The following ATG101 variants were observed in gnomAD, a reference collection of about 807,000 sequenced individuals.
ATG101 encodes the protein autophagy-related protein 101.
A neutral mutation model predicts 16.7 loss-of-function variants in ATG101; 6 were observed. That is an observed-to-expected ratio of 0.36 (90% confidence interval 0.20 to 0.71). The LOEUF is 0.71. Among genes scored for constraint, ATG101 ranks in the 30% least tolerant of loss-of-function variants. ATG101 has a pLI of 0.57. For missense variants in ATG101, 200 were observed against 292.5 expected (o/e 0.68, Z 2.31); for synonymous variants, 108 against 118.1 (o/e 0.91, Z 0.56).
At chr12:52,074,510 A>G (rs911777336) in intron 3 of ATG101, among the ~76,000 whole-genome samples, 1 of 151,476 alleles carries the variant, frequency 6.6e-6, no homozygotes, top group Admixed American at 6.6e-5. Flanking sequence ...AGTAGCAAAG[A>G]TAATTTTTCT....
chr12:52,076,748 A>G (rs1488183833), intron 3 of ATG101, 38 bp from the exon 4 acceptor site: 1 of 1,589,172 alleles, frequency 6.3e-7, no homozygotes, highest in South Asian at 1.1e-5. Flanking sequence ...GTGGGAACTC[A>G]GAGGCCTTGG....
At chr12:52,065,409 C>CAT (rs5798196), upstream of ATG101, among the ~76,000 whole-genome samples, 18,415 of 152,206 alleles carry the variant, frequency 0.12, 1,163 homozygotes, top group South Asian at 0.17. Flanking sequence ...GACAGTTCCA[C>CAT]GTGTGGCATG....
In ATG101 at chr12:52,073,819, T is replaced by A; in HGVS notation, c.169T>A (p.Cys57Ser). ...IGTVGTQDVD[C>S]DFIDFTYVRV... ...CACCGTGGGCACCCAGGATGTTGAC[T>A]GTGACTTCATCGACTTCACTTATGT... Residue 57 changes from cysteine to serine, a missense_variant, in exon 3 of 4, where the codon TGT becomes AGT. Cys to Ser is a moderately radical substitution (Grantham distance 112). Transcript: ENST00000336854. 1 of 1,614,230 alleles carries A rather than the reference T, an allele frequency of 6.2e-7. No homozygotes were observed. The highest frequency in any genetic ancestry group is 8.5e-7 in the Non-Finnish European group (1 of 1,180,036).
chr12:52,067,753 A>ATTTTTTTT (rs60759494), upstream of ATG101, among the ~76,000 whole-genome samples: 1 of 140,646 alleles, frequency 7.1e-6, no homozygotes. Context: ...AAGCTTGGCT[A>ATTTTTTTT]TTTTTTTTTT....
At chr12:52,067,878 G>A (rs1187211667), upstream of ATG101, among the ~76,000 whole-genome samples, 1 of 151,602 alleles carries the variant, frequency 6.6e-6, no homozygotes, top group African/African-American at 2.4e-5. Flanking sequence ...TTACAGGCGT[G>A]AGCCACCATG....
intron 3 of ATG101, among the ~76,000 whole-genome samples, chr12:52,076,116 C>T (rs377497286): frequency 2.6e-4 from 39 of 152,306 alleles, no homozygotes; most frequent in African/African-American, 8.7e-4. Context: ...CATGATTGCT[C>T]CACTGCCCTC....
chr12:52,076,780 T>C lies in ATG101; in HGVS notation c.253-6T>C, dbSNP rs1939736863. ...TTGGCTTGCTCATTCGTTCCCTTCTTCCCAGGATGCACTGCGCAACTCTGG... is the reference window on the plus strand; with the variant it reads ...TTGGCTTGCTCATTCGTTCCCTTCTCCCCAGGATGCACTGCGCAACTCTGG... On this transcript the variant is annotated splice_polypyrimidine_tract_variant and splice_region_variant and intron_variant, in intron 3 of 3. Coordinates refer to ENST00000336854, the MANE Select transcript of ATG101 (RefSeq NM_021934.5). 10 of 1,611,806 alleles carry C rather than the reference T, an allele frequency of 6.2e-6. No individual in the cohort carries two copies. The highest frequency in any genetic ancestry group is 8.5e-6 in the Non-Finnish European group (10 of 1,178,174).
intron 3 of ATG101, among the ~76,000 whole-genome samples, chr12:52,075,758 G>A (rs1939721424): frequency 6.6e-6 from 1 of 152,176 alleles, no homozygotes; most frequent in African/African-American, 2.4e-5. Context: ...AGGGAGAAGT[G>A]CCAGGTCTGG....
upstream of ATG101, among the ~76,000 whole-genome samples, chr12:52,068,258 T>A (rs1859777138): frequency 6.6e-6 from 1 of 151,546 alleles, no homozygotes; most frequent in Non-Finnish European, 1.5e-5. Flanking sequence ...TTCACCATAT[T>A]GGCCAGGCTG....
chr12:52,072,080 T>C (rs1190004319), intron 2 of ATG101, among the ~76,000 whole-genome samples: 2 of 152,252 alleles, frequency 1.3e-5, no homozygotes, highest in African/African-American at 4.8e-5. Context: ...AATAATGAAT[T>C]ATAGCAGCTA....
At chr12:52,068,458 G>T (rs1340024841), upstream of ATG101, among the ~76,000 whole-genome samples, 1 of 151,708 alleles carries the variant, frequency 6.6e-6, no homozygotes, top group African/African-American at 2.4e-5. Flanking sequence ...GGGCTCAGGT[G>T]ATCCTCCACC....
rs151182897 is a variant in ATG101 at position 52,073,797 on chromosome 12, C to T, written c.147C>T (p.Thr49=). ...YKKEGTYSIG[T]VGTQDVDCDF... ...AGGAGGGCACCTACTCCATTGGCAC[C>T]GTGGGCACCCAGGATGTTGACTGTG... The change falls in exon 3 of 4, where the codon ACC becomes ACT. Residue 49 remains threonine (T), a synonymous_variant. Transcript: ENST00000336854. 50 of 1,614,116 alleles carry T rather than the reference C, an allele frequency of 3.1e-5. 1 individual carries two copies. Among genetic ancestry groups the T allele is most frequent in the Middle Eastern group, 3.3e-4 (2 of 6,084 alleles).
At chr12:52,073,953 G>T (rs1226379731) in intron 3 of ATG101, 51 bp downstream of exon 3, 1 of 1,589,476 alleles carries the variant, frequency 6.3e-7, no homozygotes, top group Non-Finnish European at 8.6e-7. Context: ...CAGATGGCAG[G>T]GGGGCCTCGA....
At chr12:52,066,490 AGCC>A (rs1303989513), upstream of ATG101, among the ~76,000 whole-genome samples, 6 of 152,110 alleles carry the variant, frequency 3.9e-5, no homozygotes. Context: ...CCCACAGACA[AGCC>A]CAGAATCATA....
intron 2 of ATG101, 94 bp from the exon 3 acceptor site, chr12:52,073,481 A>C: frequency 1.3e-6 from 1 of 790,240 alleles, no homozygotes; most frequent in Admixed American, 2.6e-5. Flanking sequence ...GAGAAGGGCC[A>C]GTGGAGGCAG....
chr12:52,072,308 A>G (rs1233828797), intron 2 of ATG101, among the ~76,000 whole-genome samples: 1 of 152,226 alleles, frequency 6.6e-6, no homozygotes, highest in Admixed American at 6.5e-5. Flanking sequence ...ATCGTTTTCA[A>G]CCACTATTCT....
intron 3 of ATG101, among the ~76,000 whole-genome samples, chr12:52,075,326 G>C (rs1592318277): frequency 6.6e-6 from 1 of 152,248 alleles, no homozygotes; most frequent in Non-Finnish European, 1.5e-5. Flanking sequence ...GAGTGGTGAA[G>C]AGCATGGGCT....
intron 2 of ATG101, 74 bp from the exon 3 acceptor site, chr12:52,073,501 T>C (rs1939682385): frequency 2.0e-6 from 2 of 1,020,400 alleles, no homozygotes; most frequent in East Asian, 2.4e-5. Context: ...GAGGCTGAGC[T>C]GAGCCTAGAA....
At chr12:52,071,749 G>A (rs999692734) in intron 2 of ATG101, among the ~76,000 whole-genome samples, 2 of 152,208 alleles carry the variant, frequency 1.3e-5, no homozygotes, top group African/African-American at 4.8e-5. Flanking sequence ...AGAAGTTGCA[G>A]TGAGTAGAGA....
Sources: allele counts gnomAD v4.1 joint callset (sites outside exome capture counted in the v4.1 genomes callset), GRCh38; gene constraint gnomAD v4.1.1; transcripts MANE v1.5; gene names NCBI Gene and HGNC (gene_info 2026-07-23, HGNC 2026-07-21).